The following AGAP1 variants were observed in gnomAD, a reference collection of about 807,000 sequenced individuals.
AGAP1 encodes arf-GAP with GTPase, ANK repeat and PH domain-containing protein 1.
A neutral mutation model predicts 105.3 loss-of-function variants in AGAP1; 29 were observed. The observed-to-expected ratio is 0.28, with a 90% CI of 0.21 to 0.38. AGAP1 has a LOEUF of 0.38. Among genes scored for constraint, AGAP1 ranks in the 10% least tolerant of loss-of-function variants. AGAP1 has a pLI of 1.00. For missense variants in AGAP1, 998 were observed against 1,165.1 expected, an observed-to-expected ratio of 0.86 and a Z score of 2.09; for synonymous variants, 509 against 485.9, an observed-to-expected ratio of 1.05 and a Z score of -0.63.
At position 236,062,387 on chromosome 2, in the gene AGAP1, G is replaced by C. The variant is rs1377135872; in HGVS notation, c.2114+13106G>C. 6.6e-6 allele frequency among the ~76,000 whole-genome samples: 1 copy of C among 152,166 alleles called. No homozygotes were observed. ...CATGGCCAGAGGGGAGGGGAGGGAG[G>C]CAGAGCCAGGCTGGTATGGGATTCT... On this transcript the variant is annotated intron_variant, in intron 16 of 17. Coordinates refer to ENST00000304032, the MANE Select transcript of AGAP1 (RefSeq NM_001037131.3). This position sits in a 1 kb window ranked among gnomAD's most constrained non-coding sequence, Gnocchi z 4.2.
At position 236,052,016 on chromosome 2, in the gene AGAP1, C is replaced by T. The variant is rs3768946; in HGVS notation, c.2114+2735C>T. ...CATGACGTGAGAAGATTCTGCCTTT[C>T]GAAGCCACCCCCGCTCCCTCTGCCC... On this transcript the variant is annotated intron_variant, in intron 16 of 17. Coordinates refer to ENST00000304032, the MANE Select transcript of AGAP1 (RefSeq NM_001037131.3). Among the ~76,000 whole-genome samples the T allele has an allele frequency of 0.015, 2,334 of 152,248 alleles. 95 individuals are homozygous for T. In the East Asian group the frequency reaches 0.16, roughly 10 times the overall value.
chr2:235,555,492 C>T lies in AGAP1; in HGVS notation c.163+60643C>T, dbSNP rs1230688184. Among the ~76,000 whole-genome samples the T allele has an allele frequency of 6.6e-6, 1 of 152,164 alleles. No individual in the cohort carries two copies. The highest frequency in any genetic ancestry group is 2.4e-5 in the African/African-American group (1 of 41,450). On this transcript the variant is annotated intron_variant, in intron 1 of 17. Coordinates refer to ENST00000304032, the MANE Select transcript of AGAP1 (RefSeq NM_001037131.3). This position sits in a 1 kb window ranked among gnomAD's most constrained non-coding sequence, Gnocchi z 5.1. ...GGCACATCCAGGGCTGGACTGGGGC[C>T]GGCATGGGGGTCACTGGCTGCAAGC...
At chr2:235,709,402 G>C (rs1950715723) in intron 2 of AGAP1, among the ~76,000 whole-genome samples, 165 bp downstream of exon 2, 1 of 152,180 alleles carries the variant, frequency 6.6e-6, no homozygotes, top group African/African-American at 2.4e-5. Flanking sequence ...CTTGGGACTA[G>C]AGTCCAAGTT....
Position 236,109,317 on chromosome 2 carries a change from G to A in AGAP1, c.2115-10875G>A, listed in dbSNP as rs1032200311. Among the ~76,000 whole-genome samples, 6 of 152,168 alleles carry A rather than the reference G, an allele frequency of 3.9e-5. No individual in the cohort carries two copies. The highest frequency in any genetic ancestry group is 1.4e-4 in the African/African-American group (6 of 41,420). On this transcript the variant is annotated intron_variant, in intron 16 of 17. Coordinates refer to ENST00000304032, the MANE Select transcript of AGAP1 (RefSeq NM_001037131.3). This position sits in a 1 kb window ranked among gnomAD's most constrained non-coding sequence, Gnocchi z 5.4. Reference sequence around the variant, plus strand: ...CACCTCATTCCCGGGCAGCACTTCTGTTTTGGGTACTGGTATCTATATGAC... The same window carrying A: ...CACCTCATTCCCGGGCAGCACTTCTATTTTGGGTACTGGTATCTATATGAC...
chr2:235,655,143 CA>C lies in AGAP1; in HGVS notation c.164-54035del, dbSNP rs1947733217. 6.6e-6 allele frequency among the ~76,000 whole-genome samples: 1 copy of C among 150,940 alleles called. No individual in the cohort carries two copies. The highest frequency in any genetic ancestry group is 1.5e-5 in the Non-Finnish European group (1 of 67,882). On this transcript the variant is annotated intron_variant, in intron 1 of 17. Transcript: ENST00000304032. This position sits in a 1 kb window ranked among gnomAD's most constrained non-coding sequence, Gnocchi z 4.3. ...TGACACAAGGTCAGCATAGATTTAA[CA>C]GGAGACATAAGCTTTGAAAATTTAT...
chr2:236,027,291 C>T lies in AGAP1; in HGVS notation c.1646-9270C>T, dbSNP rs1050833380. On this transcript the variant is annotated intron_variant, in intron 13 of 17. Transcript: ENST00000304032. This position sits in a 1 kb window ranked among gnomAD's most constrained non-coding sequence, Gnocchi z 4.4. The stretch of plus-strand genomic sequence containing the variant: ...CCTAAAGACAGGATCCTGGGAAACA[C>T]ATGGGCCTAGCATAGCTGGATTCCA... Among the ~76,000 whole-genome samples, 1 of 152,164 alleles carries T rather than the reference C, an allele frequency of 6.6e-6. No homozygotes were observed. The highest frequency in any genetic ancestry group is 2.4e-5 in the African/African-American group (1 of 41,448).
intron 13 of AGAP1, among the ~76,000 whole-genome samples, chr2:235,999,007 G>A (rs1229697179): frequency 6.6e-6 from 1 of 151,258 alleles, no homozygotes; most frequent in African/African-American, 2.4e-5. Flanking sequence ...TGTGGTGACA[G>A]TGGTGAGAGT....
chr2:235,788,399 G>A lies in AGAP1; in HGVS notation c.674-9360G>A, dbSNP rs1021192994. ...CACTAGTAAGCCAGGATGGTGTGGT[G>A]CGGATCTTGGATGAGGTTAGCTGAG... On this transcript the variant is annotated intron_variant, in intron 6 of 17. Transcript: ENST00000304032. The surrounding 1 kb of genome is among the most constrained non-coding windows in gnomAD (Gnocchi z 6.0). Among the ~76,000 whole-genome samples the A allele has an allele frequency of 6.6e-6, 1 of 152,036 alleles. No individual in the cohort carries two copies. The highest frequency in any genetic ancestry group is 2.4e-5 in the African/African-American group (1 of 41,396).
chr2:236,081,310 A>G (rs1157421968), intron 16 of AGAP1, among the ~76,000 whole-genome samples: 19 of 152,128 alleles, frequency 1.2e-4, no homozygotes, highest in Admixed American at 1.2e-3. Context: ...CTTTAAAAAT[A>G]AAAAGAGAGT....
rs2057387099 is a variant in AGAP1 at position 236,036,525 on chromosome 2, A to G, written c.1646-36A>G. 2.5e-6 allele frequency: 4 copies of G among 1,608,854 alleles called. No homozygotes were observed. The highest frequency in any genetic ancestry group is 3.4e-6 in the Non-Finnish European group (4 of 1,177,366). On this transcript the variant is annotated intron_variant, in intron 13 of 17. Transcript: ENST00000304032. The surrounding 1 kb of genome is among the most constrained non-coding windows in gnomAD (Gnocchi z 5.7). ...CCCGCAGGGGGACTGCTGTCTCATA[A>G]AAGCTAAACTCTTCATCCCACACTC... is the stretch of plus-strand genomic sequence containing the variant.
At chr2:235,528,358 T>G (rs1050002227) in intron 1 of AGAP1, among the ~76,000 whole-genome samples, 5 of 57,502 alleles carry the variant, frequency 8.7e-5, no homozygotes, top group Admixed American at 1.7e-4. Context: ...CCCCTCCCCC[T>G]CCCCCGCCCC....
Position 235,970,511 on chromosome 2 carries a change from G to A in AGAP1, c.1645+1888G>A, listed in dbSNP as rs1488130319. On this transcript the variant is annotated intron_variant, in intron 13 of 17. Transcript: ENST00000304032. The surrounding 1 kb of genome is among the most constrained non-coding windows in gnomAD (Gnocchi z 5.4). Reference sequence around the variant, plus strand: ...CCACGCCCCTAAGGTGCACACACAGGGGCGGGCGCCAGATTCCCTTTAAGG... The same window carrying A: ...CCACGCCCCTAAGGTGCACACACAGAGGCGGGCGCCAGATTCCCTTTAAGG... Among the ~76,000 whole-genome samples, 2 of 152,184 alleles carry A rather than the reference G, an allele frequency of 1.3e-5. No homozygotes were observed. The highest frequency in any genetic ancestry group is 3.9e-4 in the East Asian group (2 of 5,182).
chr2:235,628,250 C>T (rs777104359), intron 1 of AGAP1, among the ~76,000 whole-genome samples: 4 of 152,128 alleles, frequency 2.6e-5, no homozygotes, highest in South Asian at 2.1e-4. Flanking sequence ...TTCAGAGACT[C>T]GGCAACTCAG....
At chr2:235,912,883 T>C (rs1033849495) in intron 11 of AGAP1, among the ~76,000 whole-genome samples, 1 of 152,234 alleles carries the variant, frequency 6.6e-6, no homozygotes, top group Non-Finnish European at 1.5e-5. Flanking sequence ...TAATCGGTAA[T>C]GAAGTTGAAC....
chr2:235,940,902 A>T (rs2125211433), intron 12 of AGAP1, among the ~76,000 whole-genome samples: 1 of 152,336 alleles, frequency 6.6e-6, no homozygotes, highest in African/African-American at 2.4e-5. Context: ...ATGCTGAGTT[A>T]GTGAATGAGC....
Position 235,762,245 on chromosome 2 carries a change from AG to A in AGAP1, c.673+11758del, listed in dbSNP as rs535909403. On this transcript the variant is annotated intron_variant, in intron 6 of 17. Coordinates refer to ENST00000304032, the MANE Select transcript of AGAP1 (RefSeq NM_001037131.3). ...GCACTGAATTTGTTCACTTGATGAA[AG>A]ATGAGGAATAGTAATCCTTTTTAAG... Among the ~76,000 whole-genome samples the A allele has an allele frequency of 1.9e-3, 295 of 152,342 alleles. 1 individual carries two copies. Among genetic ancestry groups the A allele is most frequent in the African/African-American group, 6.8e-3 (283 of 41,582 alleles).
In AGAP1 at chr2:235,639,995, G is replaced by A. The variant is rs957419279; in HGVS notation, c.164-69184G>A. Reference sequence around the variant, plus strand: ...TTTGTTTTTCTTGATAGCTGGATTTGGGTTATCTCTCAGGAAGCGGTTAGC... The same window carrying A: ...TTTGTTTTTCTTGATAGCTGGATTTAGGTTATCTCTCAGGAAGCGGTTAGC... On this transcript the variant is annotated intron_variant, in intron 1 of 17. Transcript: ENST00000304032. This position sits in a 1 kb window ranked among gnomAD's most constrained non-coding sequence, Gnocchi z 5.3. 2.0e-5 allele frequency among the ~76,000 whole-genome samples: 3 copies of A among 152,188 alleles called. No homozygotes were observed. Among genetic ancestry groups the A allele is most frequent in the African/African-American group, 7.2e-5 (3 of 41,446 alleles).
At chr2:235,937,728 G>A (rs1417021725) in intron 12 of AGAP1, among the ~76,000 whole-genome samples, 2 of 152,180 alleles carry the variant, frequency 1.3e-5, no homozygotes, top group African/African-American at 4.8e-5. Flanking sequence ...GACAGTTCGT[G>A]ATGTCCGGAG....
At chr2:235,870,702 C>G (rs2049395464) in intron 9 of AGAP1, among the ~76,000 whole-genome samples, 1 of 152,116 alleles carries the variant, frequency 6.6e-6, no homozygotes, top group Non-Finnish European at 1.5e-5. Context: ...GAAATCCAGC[C>G]AGCACATGAT....
Sources: allele counts gnomAD v4.1 joint callset (sites outside exome capture counted in the v4.1 genomes callset), GRCh38; gene constraint gnomAD v4.1.1; non-coding constraint Gnocchi (gnomAD v3.1); transcripts MANE v1.5; gene names NCBI Gene and HGNC (gene_info 2026-07-23, HGNC 2026-07-21).